The following HHLA2 variants were observed in gnomAD, a reference collection of about 807,000 sequenced individuals.
HHLA2 encodes HHLA2 member of B7 family.
Under a neutral mutation model 45.9 loss-of-function variants are expected in HHLA2, and 48 were observed. The observed-to-expected ratio is 1.05, with a 90% confidence interval of 0.83 to 1.33. The LOEUF (loss-of-function observed/expected upper bound fraction) is 1.33, where lower values mean the gene tolerates loss of function less well. Among genes scored for constraint, HHLA2 ranks in the 40% most tolerant of loss-of-function variants. The probability of loss-of-function intolerance (pLI) is 0.00; values close to 1 mark genes in which losing one functional copy is unlikely to be tolerated. For missense variants in HHLA2, 462 were observed against 494.3 expected, an observed-to-expected ratio of 0.93 and a Z score of 0.62; for synonymous variants, 161 against 173.9, an observed-to-expected ratio of 0.93 and a Z score of 0.59.
intron 2 of HHLA2, among the ~76,000 whole-genome samples, chr3:108,323,302 T>C (rs1302278760): frequency 6.6e-6 from 1 of 152,110 alleles, no homozygotes; most frequent in African/African-American, 2.4e-5. Context: ...CAAAGGATAA[T>C]TGCTTGAGGG....
chr3:108,375,705 G>C (rs375991296), intron 8 of HHLA2, 45 bp from the exon 8 acceptor site: 1 of 1,595,238 alleles, frequency 6.3e-7, no homozygotes, highest in South Asian at 1.1e-5. Flanking sequence ...AAACAGCTGG[G>C]AGAGTAAATA....
At chr3:108,353,703 T>C (rs762439322) in exon 5 of HHLA2, 4 of 1,613,558 alleles carry the variant, frequency 2.5e-6, no homozygotes, top group Admixed American at 3.3e-5. Flanking sequence ...GTAAGCCTTC[T>C]GGACGAAGGA....
At chr3:108,355,836 T>C (rs570817136) in intron 6 of HHLA2, among the ~76,000 whole-genome samples, 135 of 152,272 alleles carry the variant, frequency 8.9e-4, no homozygotes, top group African/African-American at 3.2e-3. Context: ...TATTGCTTCT[T>C]TTTAGTTTCT....
At chr3:108,340,095 G>A (rs997159036) in intron 3 of HHLA2, among the ~76,000 whole-genome samples, 13 of 152,184 alleles carry the variant, frequency 8.5e-5, no homozygotes, top group African/African-American at 3.1e-4. Context: ...CCTGGGGAAA[G>A]AGCCCATCTG....
At chr3:108,377,161 C>T (rs1043774628) in intron 10 of HHLA2, 97 bp from the exon 10 acceptor site, 1 of 775,624 alleles carries the variant, frequency 1.3e-6, no homozygotes, top group African/African-American at 1.8e-5. Flanking sequence ...CTTTTTGCCG[C>T]CCACCCCAAA....
At chr3:108,375,879 A>G in intron 9 of HHLA2, 79 bp downstream of exon 8, 2 of 1,550,158 alleles carry the variant, frequency 1.3e-6, no homozygotes, top group Non-Finnish European at 1.8e-6. Flanking sequence ...AAACTCTGTC[A>G]CAGTATTGGC....
At chr3:108,364,766 A>C (rs1254227279) in intron 8 of HHLA2, among the ~76,000 whole-genome samples, 1 of 152,006 alleles carries the variant, frequency 6.6e-6, no homozygotes, top group Admixed American at 6.5e-5. Context: ...GCTCTTTTTC[A>C]TATGTTTGTT....
intron 3 of HHLA2, among the ~76,000 whole-genome samples, chr3:108,342,231 T>C: frequency 6.6e-6 from 1 of 151,418 alleles, no homozygotes; most frequent in South Asian, 2.1e-4. Flanking sequence ...TTGATGCTTA[T>C]CGGCTGGCTC....
chr3:108,301,942 A>G (rs2080857039), intron 1 of HHLA2, among the ~76,000 whole-genome samples: 1 of 152,190 alleles, frequency 6.6e-6, no homozygotes, highest in South Asian at 2.1e-4. Context: ...TGCCTGTACA[A>G]TATAAAAGGT....
chr3:108,313,107 C>G (rs2081047797), intron 2 of HHLA2, among the ~76,000 whole-genome samples: 1 of 152,064 alleles, frequency 6.6e-6, no homozygotes. Flanking sequence ...TATGGCATTC[C>G]AAGAGTTTTC....
At chr3:108,305,305 C>T (rs1243144229) in intron 1 of HHLA2, among the ~76,000 whole-genome samples, 1 of 152,106 alleles carries the variant, frequency 6.6e-6, no homozygotes, top group Non-Finnish European at 1.5e-5. Context: ...TGTAAACGGA[C>T]AGATTACCAT....
chr3:108,307,650 A>G (rs1192887807), intron 1 of HHLA2, among the ~76,000 whole-genome samples: 1 of 151,236 alleles, frequency 6.6e-6, no homozygotes, highest in Non-Finnish European at 1.5e-5. Context: ...AAAAAAAAAG[A>G]GTTCTTGTTA....
Position 108,375,852 on chromosome 3 carries a change from T to G in HHLA2, c.1159+52T>G, listed in dbSNP as rs2107522208. Reference sequence around the variant, plus strand: ...ATGGATTCTGGTTCTGGAGGAGCAGTCAAAAGATATCGGCAAAAACTCTGT... The same window carrying G: ...ATGGATTCTGGTTCTGGAGGAGCAGGCAAAAGATATCGGCAAAAACTCTGT... On this transcript the variant is annotated intron_variant, in intron 9 of 10. Transcript: ENST00000619531. The G allele has an allele frequency of 1.9e-6, 3 of 1,592,310 alleles. No individual in the cohort carries two copies. The East Asian group carries it at 6.8e-5, about 36-fold the overall frequency.
At chr3:108,326,111 C>T in intron 2 of HHLA2, 2 of 246,594 alleles carry the variant, frequency 8.1e-6, no homozygotes, top group Non-Finnish European at 8.1e-6. Context: ...TCTTCGGTGT[C>T]TTTTTTTTAA....
chr3:108,376,498 T>G, exon 10 of HHLA2: 1 of 1,601,972 alleles, frequency 6.2e-7, no homozygotes, highest in African/African-American at 1.3e-5. Context: ...TGTAGAAAGA[T>G]GTTGTGTCCC....
chr3:108,307,550 C>T (rs531863086), intron 1 of HHLA2, among the ~76,000 whole-genome samples: 1 of 151,962 alleles, frequency 6.6e-6, no homozygotes, highest in African/African-American at 2.4e-5. Context: ...AGGAGAATCA[C>T]TTGAAACAAG....
chr3:108,334,008 G>A (rs1025074388), intron 3 of HHLA2, among the ~76,000 whole-genome samples: 7 of 152,144 alleles, frequency 4.6e-5, no homozygotes, highest in South Asian at 2.1e-4. Context: ...AGTAAATTGC[G>A]AAGGCAGGCC....
intron 2 of HHLA2, among the ~76,000 whole-genome samples, chr3:108,314,959 A>G (rs1374092103): frequency 1.3e-5 from 2 of 152,160 alleles, no homozygotes. Context: ...TTTTTCCCCT[A>G]CTTATCTGAA....
At chr3:108,347,170 A>G (rs1403787402) in intron 3 of HHLA2, among the ~76,000 whole-genome samples, 2 of 152,194 alleles carry the variant, frequency 1.3e-5, no homozygotes, top group East Asian at 1.9e-4. Flanking sequence ...CTAGGCATAA[A>G]AATAGGGCCA....
Sources: gnomAD v4.1 joint callset for allele counts (sites outside exome capture counted in the v4.1 genomes callset) on GRCh38, gnomAD v4.1.1 for gene constraint, MANE v1.5 for transcripts, NCBI Gene and HGNC (gene_info 2026-07-23, HGNC 2026-07-21) for gene names.